SNCAIP: variants seen among roughly 807,000 people sequenced by gnomAD.
SNCAIP encodes synuclein alpha interacting protein, also known as synphilin-1.
Under a neutral mutation model 86.7 loss-of-function variants are expected in SNCAIP, and 43 were observed. The observed-to-expected ratio is 0.50, with a 90% CI of 0.39 to 0.64. The LOEUF is 0.64. Ranked by LOEUF, SNCAIP falls within the 30% of genes least tolerant of loss-of-function variation. The pLI is 0.00. For missense variants in SNCAIP, 981 were observed against 1,103.1 expected (o/e 0.89, Z 1.57); for synonymous variants, 417 against 427.2 (o/e 0.98, Z 0.29).
At chr5:122,458,252 C>T (rs1445624074) in intron 10 of SNCAIP, among the ~76,000 whole-genome samples, 1 of 152,164 alleles carries the variant, frequency 6.6e-6, no homozygotes, top group Non-Finnish European at 1.5e-5. Flanking sequence ...AAGAGAACTG[C>T]CTTGGACACC....
At chr5:122,401,096 C>T in intron 2 of SNCAIP, 10 of 1,549,866 alleles carry the variant, frequency 6.5e-6, no homozygotes, top group Non-Finnish European at 8.7e-6. Flanking sequence ...TAGTTGCTGC[C>T]CTGGGAGCTT....
chr5:122,400,324 A>G (rs183402987), intron 2 of SNCAIP, among the ~76,000 whole-genome samples: 19 of 152,352 alleles, frequency 1.2e-4, no homozygotes, highest in Admixed American at 1.2e-3. Context: ...AATTAATTCT[A>G]GTGTTAGTAT....
At chr5:122,327,604 C>T (rs188861597) in intron 1 of SNCAIP, among the ~76,000 whole-genome samples, 1 of 152,282 alleles carries the variant, frequency 6.6e-6, no homozygotes, top group African/African-American at 2.4e-5. Flanking sequence ...CTCCTGTCAC[C>T]TTGTGAAGAA....
intron 1 of SNCAIP, among the ~76,000 whole-genome samples, chr5:122,331,163 C>A (rs376797973): frequency 3.9e-5 from 6 of 152,270 alleles, no homozygotes; most frequent in Admixed American, 2.0e-4. Flanking sequence ...CCTGTGTAGC[C>A]TGGTTCCTAA....
At chr5:122,369,828 C>G (rs1423073766) in intron 1 of SNCAIP, 1 of 152,168 alleles carries the variant, frequency 6.6e-6, no homozygotes, top group Non-Finnish European at 1.5e-5. Flanking sequence ...TGGGACTCTT[C>G]AGGACCCTTG....
chr5:122,422,743 TAA>T, intron 3 of SNCAIP, 123 bp from the exon 4 acceptor site: 1 of 756,120 alleles, frequency 1.3e-6, no homozygotes, highest in African/African-American at 1.7e-5. Context: ...ATGTGCACTC[TAA>T]GTCATCCTCA....
At chr5:122,453,690 A>G (rs1356237155) in intron 10 of SNCAIP, among the ~76,000 whole-genome samples, 1 of 152,156 alleles carries the variant, frequency 6.6e-6, no homozygotes, top group African/African-American at 2.4e-5. Flanking sequence ...TGTGGGATGA[A>G]ACCAGTATGC....
chr5:122,392,593 A>G (rs762525296), intron 2 of SNCAIP, among the ~76,000 whole-genome samples: 6 of 152,156 alleles, frequency 3.9e-5, no homozygotes, highest in Non-Finnish European at 8.8e-5. Context: ...AAACTGTGTT[A>G]TGATTGGGAG....
chr5:122,399,390 G>A (rs1198023402), intron 2 of SNCAIP, among the ~76,000 whole-genome samples: 4 of 152,044 alleles, frequency 2.6e-5, no homozygotes. Flanking sequence ...GCCAGAACCA[G>A]GACTTCAATC....
chr5:122,327,282 A>G (rs555807618), intron 1 of SNCAIP, among the ~76,000 whole-genome samples: 2 of 152,278 alleles, frequency 1.3e-5, no homozygotes, highest in East Asian at 3.9e-4. Context: ...GTTATACCCA[A>G]GAACCTTCCT....
Position 122,423,212 on chromosome 5 carries a change from A to T in SNCAIP, c.475A>T (p.Ile159Phe). ...DMDEILDVPY[I>F]KSSQQLASFT... is the part of the protein sequence containing the mutation. Reference sequence around the variant, plus strand: ...GGATGAGATTCTGGATGTGCCTTATATTAAATCCAGTCAGCAGCTTGCCTC... The same window carrying T: ...GGATGAGATTCTGGATGTGCCTTATTTTAAATCCAGTCAGCAGCTTGCCTC... Residue 159 changes from isoleucine to phenylalanine, a missense_variant, in exon 4 of 11, where the codon ATT becomes TTT. Coordinates refer to ENST00000261368, the MANE Select transcript of SNCAIP (RefSeq NM_005460.4). 6.2e-7 allele frequency: 1 copy of T among 1,614,194 alleles called. No homozygotes were observed. The highest frequency in any genetic ancestry group is 8.5e-7 in the Non-Finnish European group (1 of 1,180,024).
In SNCAIP at chr5:122,423,196, T is replaced by A. The variant is rs1561731248; in HGVS notation, c.459T>A (p.Ile153=). The change falls in exon 4 of 11, where the codon ATT becomes ATA. Residue 153 remains isoleucine (I), a synonymous_variant. Coordinates refer to ENST00000261368, the MANE Select transcript of SNCAIP (RefSeq NM_005460.4). ...LEHYDLDMDE[I]LDVPYIKSSQ... ...ACTACGACCTCGACATGGATGAGAT[T>A]CTGGATGTGCCTTATATTAAATCCA... The A allele has an allele frequency of 6.2e-7, 1 of 1,614,172 alleles. No individual in the cohort carries two copies. Among genetic ancestry groups the A allele is most frequent in the East Asian group, 2.2e-5 (1 of 44,876 alleles).
intron 5 of SNCAIP, among the ~76,000 whole-genome samples, chr5:122,427,356 G>T: frequency 6.7e-6 from 1 of 148,394 alleles, no homozygotes. Flanking sequence ...TACCATCAGT[G>T]TGCAAACTTA....
intron 1 of SNCAIP, among the ~76,000 whole-genome samples, chr5:122,354,669 G>T (rs370315173): frequency 3.3e-5 from 5 of 152,162 alleles, no homozygotes; most frequent in African/African-American, 1.2e-4. Context: ...CGGGTTATAT[G>T]ATATTTTCAA....
At chr5:122,325,492 T>A (rs1301040060) in intron 1 of SNCAIP, among the ~76,000 whole-genome samples, 2 of 152,212 alleles carry the variant, frequency 1.3e-5, no homozygotes, top group African/African-American at 4.8e-5. Context: ...CCTTTTAGTC[T>A]TACTAGCTCA....
intron 2 of SNCAIP, among the ~76,000 whole-genome samples, chr5:122,400,701 T>G (rs1771616502): frequency 6.6e-6 from 1 of 152,130 alleles, no homozygotes; most frequent in Non-Finnish European, 1.5e-5. Flanking sequence ...GAGGAGGGCA[T>G]TGCATGAATG....
Position 122,423,531 on chromosome 5 carries a change from A to T in SNCAIP, c.794A>T (p.Asp265Val), listed in dbSNP as rs1168682841. 1 of 1,614,132 alleles carries T rather than the reference A, an allele frequency of 6.2e-7. No individual in the cohort carries two copies. Among genetic ancestry groups the T allele is most frequent in the South Asian group, 1.1e-5 (1 of 91,078 alleles). The change falls in exon 4 of 11, where the codon GAT becomes GTT. Residue 265 changes from aspartate to valine, a missense_variant. Transcript: ENST00000261368. ...SKDFLNKTFS[D>V]PHGRKVEKTT... ...GACTTCCTAAACAAGACATTTAGTGATCCTCATGGTCGAAAAGTTGAGAAG... is the reference window on the plus strand; with the variant it reads ...GACTTCCTAAACAAGACATTTAGTGTTCCTCATGGTCGAAAAGTTGAGAAG...
At chr5:122,434,748 C>G (rs1382192991) in intron 6 of SNCAIP, among the ~76,000 whole-genome samples, 2 of 152,254 alleles carry the variant, frequency 1.3e-5, no homozygotes, top group East Asian at 3.9e-4. Context: ...ACTTATGTAA[C>G]AGATAACCTG....
intron 1 of SNCAIP, among the ~76,000 whole-genome samples, chr5:122,381,459 G>A (rs952888313): frequency 1.4e-5 from 2 of 148,014 alleles, no homozygotes; most frequent in Admixed American, 6.8e-5. Context: ...TGGGTTTCCT[G>A]AATACAACAC....
Sources: gnomAD v4.1 joint callset for allele counts (sites outside exome capture counted in the v4.1 genomes callset) on GRCh38, gnomAD v4.1.1 for gene constraint, MANE v1.5 for transcripts, NCBI Gene and HGNC (gene_info 2026-07-23, HGNC 2026-07-21) for gene names.